The following DNAJC3 variants were observed in gnomAD, a reference collection of about 807,000 sequenced individuals.
The protein encoded by DNAJC3 is dnaJ homolog subfamily C member 3.
Under a neutral mutation model 68.6 loss-of-function variants are expected in DNAJC3, and 38 were observed. That is an observed-to-expected ratio of 0.55 (90% confidence interval 0.43 to 0.73). The LOEUF (loss-of-function observed/expected upper bound fraction) is 0.73. Among genes scored for constraint, DNAJC3 ranks in the 30% least tolerant of loss-of-function variants. The pLI, the probability that DNAJC3 is intolerant of heterozygous loss-of-function variation, is 0.00. For synonymous variants in DNAJC3, 203 were observed against 204.0 expected, an observed-to-expected ratio of 1.00 and a Z score of 0.04; for missense variants, 526 against 591.9, an observed-to-expected ratio of 0.89 and a Z score of 1.16.
At chr13:95,788,299 G>T (rs970154378) in intron 11 of DNAJC3, among the ~76,000 whole-genome samples, 3 of 152,220 alleles carry the variant, frequency 2.0e-5, no homozygotes, top group African/African-American at 4.8e-5. Context: ...CAGTGCACAG[G>T]TGTGATAGTG....
At chr13:95,710,676 G>GT (rs1555323985) in intron 2 of DNAJC3, among the ~76,000 whole-genome samples, 3 of 146,084 alleles carry the variant, frequency 2.1e-5, no homozygotes, top group Non-Finnish European at 4.4e-5. Context: ...GTTTTGTTTT[G>GT]TTTTGTTTTT....
At chr13:95,695,919 T>C (rs1402855972) in intron 1 of DNAJC3, among the ~76,000 whole-genome samples, 2 of 152,232 alleles carry the variant, frequency 1.3e-5, no homozygotes, top group Non-Finnish European at 2.9e-5. Context: ...ATGTCAGTAT[T>C]GACTGCCAAC....
intron 1 of DNAJC3, among the ~76,000 whole-genome samples, chr13:95,690,750 G>A (rs112758751): frequency 0.32 from 43,259 of 135,264 alleles, 7,276 homozygotes; most frequent in Middle Eastern, 0.4. Context: ...GGGCAGAGGC[G>A]CCCCTCACTT....
intron 1 of DNAJC3, among the ~76,000 whole-genome samples, chr13:95,690,739 C>T (rs1406757740): frequency 2.1e-5 from 3 of 143,360 alleles, no homozygotes; most frequent in African/African-American, 5.2e-5. Flanking sequence ...TAGGGGCGGC[C>T]GGGCAGAGGC....
At chr13:95,736,033 T>C (rs1245796313) in intron 4 of DNAJC3, among the ~76,000 whole-genome samples, 1 of 152,178 alleles carries the variant, frequency 6.6e-6, no homozygotes, top group Admixed American at 6.6e-5. Context: ...TTCAGCTTTC[T>C]ACATACGGCT....
rs1472497907 is a variant in DNAJC3, at chr13:95,735,530, G to C, written c.393+10278G>C. ...TTGCCATTCTAACTGGTGTGAGTTGGTATCTCATTGTGGTTTTGATTTGCA... is the reference window on the plus strand; with the variant it reads ...TTGCCATTCTAACTGGTGTGAGTTGCTATCTCATTGTGGTTTTGATTTGCA... On this transcript the variant is annotated intron_variant, in intron 4 of 11. Transcript: ENST00000602402. Among the ~76,000 whole-genome samples, 21 of 150,750 alleles carry C rather than the reference G, an allele frequency of 1.4e-4. No homozygotes were observed. The East Asian group carries it at 3.5e-3, about 25-fold the overall frequency.
In DNAJC3 at chr13:95,764,042, A is replaced by G. The variant is rs562265718; in HGVS notation, c.1075+89A>G. On this transcript the variant is annotated intron_variant, in intron 9 of 11. Coordinates refer to ENST00000602402, the MANE Select transcript of DNAJC3 (RefSeq NM_006260.5). ...GCTTCCTTTTCCTTAAAACAAATTT[A>G]CCAGAGTACCTGGAAATGTTGACAA... 7 of 1,533,734 alleles carry G rather than the reference A, an allele frequency of 4.6e-6. No homozygotes were observed. In the South Asian group the frequency reaches 8.9e-5, roughly 20 times the overall value.
intron 1 of DNAJC3, among the ~76,000 whole-genome samples, chr13:95,687,629 TA>T (rs1390667491): frequency 5.3e-5 from 8 of 152,198 alleles, no homozygotes; most frequent in Admixed American, 3.9e-4. Flanking sequence ...CAACACTACC[TA>T]AAGCAATCCA....
intron 1 of DNAJC3, among the ~76,000 whole-genome samples, chr13:95,697,695 CTTTG>C (rs899005928): frequency 4.0e-5 from 6 of 148,942 alleles, no homozygotes; most frequent in Admixed American, 4.0e-4. Flanking sequence ...TTTTCAAAGG[CTTTG>C]TTTGATTTTA....
intron 1 of DNAJC3, among the ~76,000 whole-genome samples, chr13:95,688,155 T>C (rs2139601293): frequency 6.6e-6 from 1 of 152,322 alleles, no homozygotes; most frequent in Middle Eastern, 3.4e-3. Context: ...CTGAAGTTGC[T>C]TATCAGTTCC....
At chr13:95,751,301 C>T (rs762041485) in intron 4 of DNAJC3, among the ~76,000 whole-genome samples, 2 of 152,162 alleles carry the variant, frequency 1.3e-5, no homozygotes, top group Non-Finnish European at 2.9e-5. Flanking sequence ...GAAATAAGTC[C>T]TAAACATGTA....
intron 1 of DNAJC3, among the ~76,000 whole-genome samples, chr13:95,679,081 C>G (rs1460041496): frequency 1.3e-5 from 2 of 151,892 alleles, no homozygotes; most frequent in African/African-American, 4.8e-5. Context: ...AACTGAGGCT[C>G]CAAAGGTTTT....
intron 4 of DNAJC3, among the ~76,000 whole-genome samples, chr13:95,755,828 GACTCTCTTTGAA>G (rs1379265990): frequency 2.8e-5 from 4 of 144,000 alleles, no homozygotes; most frequent in South Asian, 4.5e-4. Flanking sequence ...CATCTGGCTT[GACTCTCTTTGAA>G]ACTCTCAGGC....
chr13:95,785,241 TTTTC>T lies in DNAJC3; in HGVS notation c.1076-694_1076-691del, dbSNP rs1883564436. Reference sequence around the variant, plus strand: ...GTCAATCCATAGCTGACCAGGCCGATTTTCTTTATCACTGTCTTTCTTTCCTGTG... The same window carrying T: ...GTCAATCCATAGCTGACCAGGCCGATTTTATCACTGTCTTTCTTTCCTGTG... On this transcript the variant is annotated intron_variant, in intron 9 of 11. Coordinates refer to ENST00000602402, the MANE Select transcript of DNAJC3 (RefSeq NM_006260.5). Among the ~76,000 whole-genome samples, 7 of 152,214 alleles carry T rather than the reference TTTTC, an allele frequency of 4.6e-5. No individual in the cohort carries two copies. The South Asian group carries it at 1.2e-3, about 27-fold the overall frequency.
chr13:95,742,818 G>A (rs1882189145), intron 4 of DNAJC3: 1 of 518,796 alleles, frequency 1.9e-6, no homozygotes, highest in African/African-American at 1.9e-5. Context: ...TTACTTCTGT[G>A]GACTGTGCGT....
chr13:95,721,062 C>T (rs1324379294), intron 2 of DNAJC3, among the ~76,000 whole-genome samples: 2 of 152,152 alleles, frequency 1.3e-5, no homozygotes, highest in Non-Finnish European at 2.9e-5. Context: ...GGCCCTATTC[C>T]TAACCCTTTA....
intron 1 of DNAJC3, among the ~76,000 whole-genome samples, chr13:95,699,807 A>G (rs768646967): frequency 7.9e-5 from 12 of 152,086 alleles, no homozygotes; most frequent in Non-Finnish European, 1.6e-4. Context: ...TTCTCCTCAT[A>G]AAGTTTCTTT....
At chr13:95,689,960 G>A (rs1880182665) in intron 1 of DNAJC3, among the ~76,000 whole-genome samples, 1 of 151,634 alleles carries the variant, frequency 6.6e-6, no homozygotes, top group South Asian at 2.1e-4. Flanking sequence ...AGAAATACTT[G>A]ATATGATTTG....
chr13:95,729,340 CTCTCCT>C (rs1362809537), intron 4 of DNAJC3, among the ~76,000 whole-genome samples: 1 of 135,806 alleles, frequency 7.4e-6, no homozygotes, highest in Admixed American at 7.4e-5. Flanking sequence ...TTCCCTCTCC[CTCTCCT>C]TCTCCCCATC....
Sources: gnomAD v4.1 joint callset for allele counts (sites outside exome capture counted in the v4.1 genomes callset) on GRCh38, gnomAD v4.1.1 for gene constraint, MANE v1.5 for transcripts, NCBI Gene and HGNC (gene_info 2026-07-23, HGNC 2026-07-21) for gene names.